Variants in RORB observed in about 807,000 individuals in gnomAD.
The protein encoded by RORB is nuclear receptor ROR-beta.
In RORB, 6 loss-of-function variants were observed where a neutral mutation model predicts 59.1. The ratio of observed to expected loss-of-function variants is 0.10; its 90% CI spans 0.06 to 0.20. The LOEUF (loss-of-function observed/expected upper bound fraction) is 0.20. Among genes scored for constraint, RORB ranks in the 10% least tolerant of loss-of-function variants. The pLI is 1.00. For synonymous variants in RORB, 215 were observed against 204.5 expected (o/e 1.05, Z -0.44); for missense variants, 320 against 560.5 (o/e 0.57, Z 4.33).
chr9:74,629,049 T>C (rs977660701), intron 1 of RORB, among the ~76,000 whole-genome samples: 12 of 152,142 alleles, frequency 7.9e-5, no homozygotes, highest in African/African-American at 1.7e-4. Context: ...TCTCAGCCTC[T>C]TGGCTAGGAA....
intron 1 of RORB, among the ~76,000 whole-genome samples, chr9:74,593,042 C>T (rs1424263895): frequency 1.3e-5 from 2 of 152,052 alleles, no homozygotes; most frequent in Admixed American, 6.5e-5. Flanking sequence ...CAGGTACAGC[C>T]CTTTGTCCAT....
At position 74,662,575 on chromosome 9, in the gene RORB, T is replaced by C. The variant is rs149511279; in HGVS notation, c.861T>C (p.Cys287=). 26 of 1,614,030 alleles carry C rather than the reference T, an allele frequency of 1.6e-5. No homozygotes were observed. In the African/African-American group the frequency reaches 2.3e-4, roughly 14 times the overall value. ...GGATAACAGGCTTCATGGAGCTCTG[T>C]CAAAATGATCAAATTCTACTTCTGA... is the stretch of plus-strand genomic sequence containing the variant. ...AKRITGFMEL[C]QNDQILLLKS... Residue 287 remains cysteine (C), a synonymous_variant, in exon 6 of 10, where the codon TGT becomes TGC. Coordinates refer to ENST00000376896, the MANE Select transcript of RORB (RefSeq NM_006914.4).
At chr9:74,498,764 C>G (rs1051112413) in intron 1 of RORB, 2 of 154,180 alleles carry the variant, frequency 1.3e-5, no homozygotes, top group African/African-American at 4.8e-5. Flanking sequence ...GATAAAGGGC[C>G]GGTAGTGGAA....
chr9:74,590,989 G>A (rs943973826), intron 1 of RORB, among the ~76,000 whole-genome samples: 1 of 152,086 alleles, frequency 6.6e-6, no homozygotes, highest in Non-Finnish European at 1.5e-5. Flanking sequence ...TACAGGTGGG[G>A]TTTCACCATG....
At chr9:74,510,168 T>C (rs978751483) in intron 1 of RORB, among the ~76,000 whole-genome samples, 2 of 152,146 alleles carry the variant, frequency 1.3e-5, no homozygotes, top group Non-Finnish European at 2.9e-5. Context: ...GATCGTATTA[T>C]AGAATGGTCC....
At chr9:74,592,926 G>A (rs1195605720) in intron 1 of RORB, among the ~76,000 whole-genome samples, 1 of 152,026 alleles carries the variant, frequency 6.6e-6, no homozygotes, top group Non-Finnish European at 1.5e-5. Flanking sequence ...GAAGCTGTCA[G>A]AAGGCCTGCG....
chr9:74,640,508 C>T (rs145368696), intron 3 of RORB, among the ~76,000 whole-genome samples: 100 of 152,230 alleles, frequency 6.6e-4, no homozygotes, highest in African/African-American at 2.3e-3. Context: ...TGGTCTCGAT[C>T]TCCTGACCTC....
At chr9:74,620,097 G>C (rs931495996) in intron 1 of RORB, among the ~76,000 whole-genome samples, 18 of 152,124 alleles carry the variant, frequency 1.2e-4, no homozygotes, top group African/African-American at 4.3e-4. Flanking sequence ...CTATTGATTG[G>C]AGTAGTTTCA....
chr9:74,571,401 T>TAAA (rs78421295), intron 1 of RORB, among the ~76,000 whole-genome samples: 1 of 135,898 alleles, frequency 7.4e-6, no homozygotes. Context: ...TACTTTCCTT[T>TAAA]AAAAAAAAAA....
chr9:74,601,685 C>T (rs1823059219), intron 1 of RORB, among the ~76,000 whole-genome samples: 1 of 152,116 alleles, frequency 6.6e-6, no homozygotes, highest in Admixed American at 6.6e-5. Context: ...TGGGACATTG[C>T]TAGAAATCCT....
At chr9:74,589,811 C>T (rs987301753) in intron 1 of RORB, among the ~76,000 whole-genome samples, 14 of 152,144 alleles carry the variant, frequency 9.2e-5, no homozygotes, top group African/African-American at 3.4e-4. Context: ...TCAGGGAAGT[C>T]CTTTCTAACC....
intron 1 of RORB, among the ~76,000 whole-genome samples, chr9:74,503,484 A>G (rs1825828835): frequency 6.6e-6 from 1 of 152,056 alleles, no homozygotes; most frequent in Non-Finnish European, 1.5e-5. Context: ...TTAGAGAAAC[A>G]GAGCAACTTT....
chr9:74,550,275 C>A (rs537847005), intron 1 of RORB, among the ~76,000 whole-genome samples: 1 of 152,244 alleles, frequency 6.6e-6, no homozygotes, highest in African/African-American at 2.4e-5. Context: ...CTTGCAAATA[C>A]CAATCTAGAT....
chr9:74,550,480 C>A (rs1156969074), intron 1 of RORB, among the ~76,000 whole-genome samples: 9 of 152,192 alleles, frequency 5.9e-5, no homozygotes, highest in Non-Finnish European at 1.5e-5. Flanking sequence ...GTCTTATCGA[C>A]TAGCTAGGGT....
At chr9:74,565,968 A>G (rs1253286226) in intron 1 of RORB, among the ~76,000 whole-genome samples, 2 of 152,184 alleles carry the variant, frequency 1.3e-5, no homozygotes, top group Admixed American at 6.5e-5. Flanking sequence ...TTCCTCATTC[A>G]ATGGGTTGTG....
intron 9 of RORB, among the ~76,000 whole-genome samples, chr9:74,683,491 G>C (rs1232235359): frequency 6.6e-6 from 1 of 152,048 alleles, no homozygotes; most frequent in Non-Finnish European, 1.5e-5. Flanking sequence ...TGAACTATGA[G>C]GGCTTACATA....
Position 74,542,119 on chromosome 9 carries a change from C to T in RORB, c.7+44136C>T, listed in dbSNP as rs1587351081. ...CAATCCAGACTTCAAAGAATTCACA[C>T]AAAGTTCTACAAAATATAAATTAAC... On this transcript the variant is annotated intron_variant, in intron 1 of 9. Coordinates refer to ENST00000376896, the MANE Select transcript of RORB (RefSeq NM_006914.4). Among the ~76,000 whole-genome samples the T allele has an allele frequency of 5.3e-5, 8 of 152,140 alleles. 1 individual carries two copies. The South Asian group carries it at 1.7e-3, about 32-fold the overall frequency.
Position 74,642,481 on chromosome 9 carries a change from G to A in RORB, c.303G>A (p.Gln101=). ...TGTATGCTGAGGTGCAGAAGCACCA[G>A]CAGCGGCTGCAGGAACAGCGGCAGC... is the stretch of plus-strand genomic sequence containing the variant. ...DSLYAEVQKH[Q]QRLQEQRQQQ... The change falls in exon 4 of 10, where the codon CAG becomes CAA. Residue 101 remains glutamine (Q), a synonymous_variant. Coordinates refer to ENST00000376896, the MANE Select transcript of RORB (RefSeq NM_006914.4). 6.2e-7 allele frequency: 1 copy of A among 1,614,174 alleles called. No individual in the cohort carries two copies. The highest frequency in any genetic ancestry group is 8.5e-7 in the Non-Finnish European group (1 of 1,179,978).
At chr9:74,502,845 T>C (rs947864038) in intron 1 of RORB, among the ~76,000 whole-genome samples, 1 of 152,036 alleles carries the variant, frequency 6.6e-6, no homozygotes, top group African/African-American at 2.4e-5. Flanking sequence ...CATAAGCACA[T>C]ACATTGTGAG....
Sources: allele counts gnomAD v4.1 joint callset (sites outside exome capture counted in the v4.1 genomes callset), GRCh38; gene constraint gnomAD v4.1.1; transcripts MANE v1.5; gene names NCBI Gene and HGNC (gene_info 2026-07-23, HGNC 2026-07-21).